Variants in PSME3IP1 observed in about 807,000 individuals in gnomAD.
PSME3IP1 encodes the protein PSME3-interacting protein.
PSME3IP1 carries 13 observed loss-of-function variants against 34.1 expected under a neutral mutation model. The ratio of observed to expected loss-of-function variants is 0.38; its 90% CI spans 0.25 to 0.61. The LOEUF (loss-of-function observed/expected upper bound fraction) is 0.61. Among genes scored for constraint, PSME3IP1 ranks in the 20% least tolerant of loss-of-function variants. The pLI, the probability that PSME3IP1 is intolerant of heterozygous loss-of-function variation, is 0.60. For synonymous variants in PSME3IP1, 93 were observed against 114.3 expected, an observed-to-expected ratio of 0.81 and a Z score of 1.19; for missense variants, 237 against 301.4, an observed-to-expected ratio of 0.79 and a Z score of 1.58.
intron 6 of PSME3IP1, among the ~76,000 whole-genome samples, chr16:57,163,218 G>A (rs2071480152): frequency 6.6e-6 from 1 of 152,122 alleles, no homozygotes; most frequent in Non-Finnish European, 1.5e-5. Context: ...AGAACTAGAT[G>A]GAAGAGATAC....
chr16:57,163,041 T>C (rs537166069), intron 6 of PSME3IP1, among the ~76,000 whole-genome samples: 1 of 152,266 alleles, frequency 6.6e-6, no homozygotes, highest in Non-Finnish European at 1.5e-5. Context: ...GGCGCACGCC[T>C]GTAATCCCAA....
intron 5 of PSME3IP1, 133 bp downstream of exon 5, chr16:57,166,960 G>A: frequency 2.1e-6 from 2 of 955,974 alleles, no homozygotes; most frequent in Non-Finnish European, 3.2e-6. Context: ...TGGAAAGGGA[G>A]AGATAGGTGA....
chr16:57,184,313 TAATG>T (rs2073972756), intron 1 of PSME3IP1, among the ~76,000 whole-genome samples: 1 of 150,398 alleles, frequency 6.6e-6, no homozygotes, highest in African/African-American at 2.4e-5. Context: ...TTTACAGAAT[TAATG>T]AAAGACACTA....
chr16:57,183,835 T>C lies in PSME3IP1; in HGVS notation c.-16+1986A>G, dbSNP rs538935178. ...CCAGGAGCCCATCCAGGGAGTGGAG[T>C]CTGACAACTACCTCCCTCTCCATCT... On this transcript the variant is annotated intron_variant, in intron 1 of 6. Transcript: ENST00000309137. Among the ~76,000 whole-genome samples, 11 of 151,852 alleles carry C rather than the reference T, an allele frequency of 7.2e-5. No homozygotes were observed. The South Asian group carries it at 2.3e-3, about 32-fold the overall frequency.
intron 1 of PSME3IP1, chr16:57,178,625 A>T (rs2073415459): frequency 1.0e-6 from 1 of 985,174 alleles, no homozygotes; most frequent in Admixed American, 6.1e-5. Context: ...GTATTTGCTG[A>T]AGTGTCAGTA....
intron 1 of PSME3IP1, among the ~76,000 whole-genome samples, chr16:57,182,770 C>T (rs1296199312): frequency 2.0e-5 from 3 of 151,698 alleles, no homozygotes; most frequent in African/African-American, 7.3e-5. Context: ...ATTAGCCAGG[C>T]GTAGTAGCAC....
At chr16:57,159,444 C>T (rs575406390) in intron 6 of PSME3IP1, among the ~76,000 whole-genome samples, 1 of 152,276 alleles carries the variant, frequency 6.6e-6, no homozygotes, top group African/African-American at 2.4e-5. Flanking sequence ...CAGACAGATG[C>T]GTGACTTGGG....
chr16:57,167,194 C>T lies in PSME3IP1; in HGVS notation c.381G>A (p.Glu127=). 1.2e-6 allele frequency: 2 copies of T among 1,614,192 alleles called. No individual in the cohort carries two copies. The highest frequency in any genetic ancestry group is 1.7e-6 in the Non-Finnish European group (2 of 1,180,030). Residue 127 remains glutamate (E), a synonymous_variant, in exon 5 of 7, where the codon GAG becomes GAA. Coordinates refer to ENST00000309137, the MANE Select transcript of PSME3IP1 (RefSeq NM_024946.4). ...NNLKKVGISQ[E]NKKEVEKKLT... ...GTTTCTTTTCCACTTCCTTCTTGTT[C>T]TCTTGAGAAATTCCAACCTTCTTGA...
chr16:57,167,695 G>A (rs2072062657), intron 4 of PSME3IP1, among the ~76,000 whole-genome samples: 1 of 152,202 alleles, frequency 6.6e-6, no homozygotes, highest in Admixed American at 6.5e-5. Context: ...CTCCACTGGT[G>A]CAAGGAAACA....
At position 57,164,084 on chromosome 16, in the gene PSME3IP1, T is replaced by TG. The variant is rs2071578491; in HGVS notation, c.483-20dup. The TG allele has an allele frequency of 3.7e-6, 6 of 1,611,748 alleles. No homozygotes were observed. In the East Asian group the frequency reaches 1.3e-4, roughly 36 times the overall value. The stretch of plus-strand genomic sequence containing the variant: ...CTCTGAGCTGTAACAAAACACATGG[T>TG]GACTTGAGCCATGTCCAATCTTGTG... On this transcript the variant is annotated intron_variant, in intron 5 of 6. Coordinates refer to ENST00000309137, the MANE Select transcript of PSME3IP1 (RefSeq NM_024946.4).
chr16:57,182,155 A>G (rs568506256), intron 1 of PSME3IP1, among the ~76,000 whole-genome samples: 1 of 152,260 alleles, frequency 6.6e-6, no homozygotes, highest in South Asian at 2.1e-4. Flanking sequence ...AAAAGACACT[A>G]ATCATTTTGG....
At chr16:57,181,442 A>T (rs1799309849) in intron 1 of PSME3IP1, 1 of 152,176 alleles carries the variant, frequency 6.6e-6, no homozygotes, top group South Asian at 2.1e-4. Context: ...CAATCAACAC[A>T]GTATAATTCT....
intron 2 of PSME3IP1, 107 bp from the exon 3 acceptor site, chr16:57,172,981 G>T: frequency 1.3e-6 from 1 of 752,166 alleles, no homozygotes. Context: ...ACAAAGTCAA[G>T]TCTCTGCATG....
At chr16:57,172,722 T>A (rs767648815) in intron 3 of PSME3IP1, 54 bp downstream of exon 3, 4 of 1,306,566 alleles carry the variant, frequency 3.1e-6, no homozygotes, top group Non-Finnish European at 4.4e-6. Flanking sequence ...AAGGCAAAAG[T>A]GCGTCAAAAG....
chr16:57,174,731 G>T, intron 1 of PSME3IP1: 1 of 971,356 alleles, frequency 1.0e-6, no homozygotes. Context: ...TGGAGAAAGT[G>T]AGACTGGAAG....
chr16:57,161,917 T>C (rs917756920), intron 6 of PSME3IP1, among the ~76,000 whole-genome samples: 9 of 152,200 alleles, frequency 5.9e-5, no homozygotes, highest in African/African-American at 1.7e-4. Context: ...ATTATTATTA[T>C]TTTTGAGACA....
chr16:57,178,302 T>C (rs567407039), intron 1 of PSME3IP1, among the ~76,000 whole-genome samples: 264 of 152,354 alleles, frequency 1.7e-3, no homozygotes, highest in South Asian at 3.1e-3. Context: ...CCATCTCCTT[T>C]ATGAAGCTTT....
chr16:57,185,909 A>G lies in PSME3IP1; in HGVS notation c.-104T>C. On this transcript the variant is annotated 5_prime_UTR_variant, in exon 1 of 7. Coordinates refer to ENST00000309137, the MANE Select transcript of PSME3IP1 (RefSeq NM_024946.4). ...AGAGCCGCTCGCTCTTAAAAAAGAAAAAAAAATGAAAGGAAGAAAGAAAGA... is the reference window on the plus strand; with the variant it reads ...AGAGCCGCTCGCTCTTAAAAAAGAAGAAAAAATGAAAGGAAGAAAGAAAGA... The G allele has an allele frequency of 3.0e-6, 3 of 985,446 alleles. No homozygotes were observed. The highest frequency in any genetic ancestry group is 3.6e-6 in the Non-Finnish European group (3 of 829,948). The allele number at this position is 985,446 out of a possible 1,614,324, so 61.0% of individuals were successfully genotyped here. A position where few individuals can be genotyped will look rare whatever the true frequency, so the allele number is the denominator to read the frequency against.
rs1245830327 is a variant in PSME3IP1 at position 57,178,131 on chromosome 16, A to ATAGAC, written c.-15-4267_-15-4263dup. On this transcript the variant is annotated intron_variant, in intron 1 of 6. Coordinates refer to ENST00000309137, the MANE Select transcript of PSME3IP1 (RefSeq NM_024946.4). Reference sequence around the variant, plus strand: ...AAGTTTAAAAAGACTAGACTAAAACATAGACTGCTTTATGCATCTTTTTTC... The same window carrying ATAGAC: ...AAGTTTAAAAAGACTAGACTAAAACATAGACTAGACTGCTTTATGCATCTTTTTTC... Among the ~76,000 whole-genome samples, 31 of 152,378 alleles carry ATAGAC rather than the reference A, an allele frequency of 2.0e-4. No individual in the cohort carries two copies. The Middle Eastern group carries it at 0.01, about 50-fold the overall frequency.
Sources: allele counts gnomAD v4.1 joint callset (sites outside exome capture counted in the v4.1 genomes callset), GRCh38; gene constraint gnomAD v4.1.1; transcripts MANE v1.5; gene names NCBI Gene and HGNC (gene_info 2026-07-23, HGNC 2026-07-21).